Variants in GRIK2 observed in about 807,000 individuals in gnomAD.
GRIK2 encodes the protein glutamate receptor ionotropic, kainate 2.
Under a neutral mutation model 100.3 loss-of-function variants are expected in GRIK2, and 32 were observed. The ratio of observed to expected loss-of-function variants is 0.32; its 90% CI spans 0.24 to 0.43. GRIK2 has a LOEUF of 0.43. Ranked by LOEUF, GRIK2 falls within the 20% of genes least tolerant of loss-of-function variation. The pLI, the probability that GRIK2 is intolerant of heterozygous loss-of-function variation, is 1.00. For synonymous variants in GRIK2, 417 were observed against 389.4 expected (o/e 1.07, Z -0.83); for missense variants, 843 against 1,114.9 (o/e 0.76, Z 3.47).
intron 2 of GRIK2, among the ~76,000 whole-genome samples, chr6:101,555,155 T>G (rs551694764): frequency 2.9e-4 from 44 of 152,352 alleles, no homozygotes; most frequent in African/African-American, 9.9e-4. Flanking sequence ...ATATTTGGAT[T>G]TTACTGCTTC....
intron 2 of GRIK2, among the ~76,000 whole-genome samples, chr6:101,472,436 C>T (rs557778500): frequency 6.6e-6 from 1 of 151,794 alleles, no homozygotes; most frequent in Non-Finnish European, 1.5e-5. Flanking sequence ...TCCTAAGAGA[C>T]ACATCATAGA....
At chr6:101,462,584 C>T (rs1445420945) in intron 2 of GRIK2, among the ~76,000 whole-genome samples, 1 of 151,428 alleles carries the variant, frequency 6.6e-6, no homozygotes, top group Admixed American at 6.6e-5. Flanking sequence ...AATTAGATTT[C>T]CTATTAGTAT....
intron 2 of GRIK2, among the ~76,000 whole-genome samples, chr6:101,489,771 T>C (rs906196866): frequency 6.8e-6 from 1 of 146,458 alleles, no homozygotes; most frequent in African/African-American, 2.6e-5. Context: ...TGACAAGCAT[T>C]GTGGATTATG....
At chr6:101,529,556 T>C (rs1393546237) in intron 2 of GRIK2, among the ~76,000 whole-genome samples, 3 of 152,104 alleles carry the variant, frequency 2.0e-5, no homozygotes, top group Non-Finnish European at 4.4e-5. Context: ...TATAGTGTGC[T>C]CTGTTGATCT....
At position 101,442,389 on chromosome 6, in the gene GRIK2, G is replaced by A. The variant is rs148653201; in HGVS notation, c.115+42997G>A. Among the ~76,000 whole-genome samples the A allele has an allele frequency of 3.9e-3, 589 of 152,082 alleles. 3 individuals carry two copies. Among genetic ancestry groups the A allele is most frequent in the African/African-American group, 0.014 (562 of 41,484 alleles). On this transcript the variant is annotated intron_variant, in intron 2 of 16. Coordinates refer to ENST00000369134, the MANE Select transcript of GRIK2 (RefSeq NM_021956.5). ...GGAGAGGCCAGGCTCCTTTCCCCCT[G>A]CAAACAGCAGGAACTTCCCAAGGTT...
intron 10 of GRIK2, among the ~76,000 whole-genome samples, chr6:101,834,457 C>T (rs1265659699): frequency 6.6e-6 from 1 of 151,834 alleles, no homozygotes; most frequent in Admixed American, 6.6e-5. Flanking sequence ...TGATTTTAAT[C>T]ACTTAGTGGT....
chr6:101,901,828 G>C (rs1194727867), intron 12 of GRIK2, among the ~76,000 whole-genome samples: 1 of 151,890 alleles, frequency 6.6e-6, no homozygotes, highest in Non-Finnish European at 1.5e-5. Context: ...TTACAAATCA[G>C]TAGAACTGAT....
At chr6:101,545,934 T>C (rs571895974) in intron 2 of GRIK2, among the ~76,000 whole-genome samples, 3 of 109,606 alleles carry the variant, frequency 2.7e-5, no homozygotes, top group South Asian at 6.7e-4. Flanking sequence ...GTGCTGCCAT[T>C]TAGTTCTCAA....
intron 14 of GRIK2, among the ~76,000 whole-genome samples, chr6:101,987,264 A>T (rs1751190162): frequency 2.6e-5 from 4 of 151,874 alleles, no homozygotes; most frequent in Admixed American, 2.0e-4. Flanking sequence ...TGTGGACGGC[A>T]TTGGTGAAAA....
At chr6:101,546,579 G>C (rs890935888) in intron 2 of GRIK2, among the ~76,000 whole-genome samples, 9 of 152,080 alleles carry the variant, frequency 5.9e-5, no homozygotes, top group African/African-American at 2.2e-4. Flanking sequence ...CTATGCCCTA[G>C]TTTCAGAGGA....
At chr6:101,719,935 GA>G (rs1774357504) in intron 7 of GRIK2, among the ~76,000 whole-genome samples, 1 of 149,982 alleles carries the variant, frequency 6.7e-6, no homozygotes, top group African/African-American at 2.5e-5. Context: ...CAAAAAGAAA[GA>G]GAGAGAAAAA....
At chr6:101,648,735 C>T (rs944466047) in intron 4 of GRIK2, among the ~76,000 whole-genome samples, 13 of 151,838 alleles carry the variant, frequency 8.6e-5, no homozygotes, top group African/African-American at 2.7e-4. Context: ...TTATTTATAT[C>T]GTTAGAGAAT....
chr6:101,793,362 A>G (rs1780033318), intron 7 of GRIK2, among the ~76,000 whole-genome samples: 1 of 151,984 alleles, frequency 6.6e-6, no homozygotes, highest in African/African-American at 2.4e-5. Flanking sequence ...GTCTTTGATG[A>G]TGGTGATGTA....
chr6:101,719,722 G>A (rs952793409), intron 7 of GRIK2, among the ~76,000 whole-genome samples: 14 of 151,964 alleles, frequency 9.2e-5, no homozygotes, highest in African/African-American at 3.1e-4. Flanking sequence ...AGCATAGGAG[G>A]CGATTAAGGC....
At chr6:101,597,405 G>C (rs1054004050) in intron 2 of GRIK2, among the ~76,000 whole-genome samples, 1 of 151,670 alleles carries the variant, frequency 6.6e-6, no homozygotes, top group Non-Finnish European at 1.5e-5. Context: ...AAGTATCTAT[G>C]TAAATTTAAA....
chr6:101,929,135 T>G (rs1027449173), intron 14 of GRIK2, among the ~76,000 whole-genome samples: 1 of 151,810 alleles, frequency 6.6e-6, no homozygotes. Context: ...AGACACAGAG[T>G]TGAAAGGGGC....
At chr6:101,501,493 C>T (rs547837887) in intron 2 of GRIK2, among the ~76,000 whole-genome samples, 5 of 152,282 alleles carry the variant, frequency 3.3e-5, no homozygotes, top group Non-Finnish European at 7.3e-5. Context: ...TAAATGGCAA[C>T]ATATGTCACA....
chr6:101,986,307 C>A (rs1035945408), intron 14 of GRIK2, among the ~76,000 whole-genome samples: 4 of 151,684 alleles, frequency 2.6e-5, no homozygotes, highest in African/African-American at 9.7e-5. Context: ...TTAAAGTATT[C>A]TTTTAATTTT....
intron 2 of GRIK2, among the ~76,000 whole-genome samples, chr6:101,500,558 G>A (rs918050869): frequency 1.3e-4 from 19 of 151,912 alleles, no homozygotes; most frequent in Non-Finnish European, 5.9e-5. Context: ...CAAAGTTTTC[G>A]GTCTCTAATT....
Sources: gnomAD v4.1 joint callset for allele counts (sites outside exome capture counted in the v4.1 genomes callset) on GRCh38, gnomAD v4.1.1 for gene constraint, MANE v1.5 for transcripts, NCBI Gene and HGNC (gene_info 2026-07-23, HGNC 2026-07-21) for gene names.